The following NELL1 variants were observed in gnomAD, a reference collection of about 807,000 sequenced individuals.
The protein encoded by NELL1 is neural EGFL like 1.
In NELL1, 76 loss-of-function variants were observed where a neutral mutation model predicts 107.4. That is an observed-to-expected ratio of 0.71 (90% confidence interval 0.59 to 0.86). NELL1 has a LOEUF of 0.86. Ranked by LOEUF, NELL1 falls within the 40% of genes least tolerant of loss-of-function variation. The pLI is 0.00. For synonymous variants in NELL1, 353 were observed against 341.2 expected, an observed-to-expected ratio of 1.03 and a Z score of -0.38; for missense variants, 1,024 against 1,005.5, an observed-to-expected ratio of 1.02 and a Z score of -0.25.
intron 2 of NELL1, among the ~76,000 whole-genome samples, chr11:20,691,609 C>T (rs1854468466): frequency 6.6e-6 from 1 of 152,004 alleles, no homozygotes; most frequent in Non-Finnish European, 1.5e-5. Context: ...TATATTGAAC[C>T]AGCCTTGCAT....
At chr11:21,466,103 C>A (rs560958950) in intron 15 of NELL1, among the ~76,000 whole-genome samples, 11 of 152,222 alleles carry the variant, frequency 7.2e-5, no homozygotes, top group African/African-American at 2.6e-4. Context: ...TTGCTGAAGG[C>A]CACATAGCTA....
Position 21,538,841 on chromosome 11 carries a change from A to G in NELL1, c.1786+4327A>G, listed in dbSNP as rs146682260. 3.9e-5 allele frequency among the ~76,000 whole-genome samples: 6 copies of G among 152,280 alleles called. No individual in the cohort carries two copies. In the South Asian group the frequency reaches 6.2e-4, roughly 16 times the overall value. ...AAGATTCAGACTCCTCGGAATGTCAATCAGTTTCCACAATATTGCTCCCAC... is the reference window on the plus strand; with the variant it reads ...AAGATTCAGACTCCTCGGAATGTCAGTCAGTTTCCACAATATTGCTCCCAC... On this transcript the variant is annotated intron_variant, in intron 16 of 19. Coordinates refer to ENST00000357134, the MANE Select transcript of NELL1 (RefSeq NM_006157.5).
intron 16 of NELL1, among the ~76,000 whole-genome samples, chr11:21,555,134 A>C (rs1856675820): frequency 6.6e-6 from 1 of 151,866 alleles, no homozygotes; most frequent in South Asian, 2.1e-4. Context: ...CATAGAGTAG[A>C]TGTTAATGGC....
chr11:20,971,997 G>A (rs1851510742), intron 12 of NELL1, among the ~76,000 whole-genome samples: 1 of 151,320 alleles, frequency 6.6e-6, no homozygotes, highest in Admixed American at 6.6e-5. Context: ...AGCACAGGGA[G>A]GGGAACAACA....
At chr11:20,898,259 T>C (rs1316381888) in intron 5 of NELL1, among the ~76,000 whole-genome samples, 2 of 152,180 alleles carry the variant, frequency 1.3e-5, no homozygotes, top group African/African-American at 4.8e-5. Flanking sequence ...GATGAGTTCA[T>C]GTCCTTTGTA....
Position 21,394,743 on chromosome 11 carries a change from G to A in NELL1, c.1645+23795G>A, listed in dbSNP as rs114905339. 4.2e-3 allele frequency among the ~76,000 whole-genome samples: 629 copies of A among 151,550 alleles called. 4 individuals are homozygous for A. The highest frequency in any genetic ancestry group is 0.013 in the African/African-American group (553 of 41,452). On this transcript the variant is annotated intron_variant, in intron 15 of 19. Coordinates refer to ENST00000357134, the MANE Select transcript of NELL1 (RefSeq NM_006157.5). ...TCAGTCTCTACTAGTGTCACTAAGGGTAGAATCCTGAGTCATCATGTTTTA... is the reference window on the plus strand; with the variant it reads ...TCAGTCTCTACTAGTGTCACTAAGGATAGAATCCTGAGTCATCATGTTTTA...
chr11:21,378,483 C>T (rs907853968), intron 15 of NELL1, among the ~76,000 whole-genome samples: 9 of 151,924 alleles, frequency 5.9e-5, no homozygotes, highest in African/African-American at 2.2e-4. Flanking sequence ...CACCTTCTTA[C>T]AGTCTTAGGA....
intron 11 of NELL1, among the ~76,000 whole-genome samples, chr11:20,958,579 T>C (rs539255516): frequency 5.3e-5 from 8 of 152,318 alleles, no homozygotes; most frequent in South Asian, 2.1e-4. Flanking sequence ...AATGTTGAGA[T>C]AAAATAACCG....
chr11:21,052,878 T>C (rs1358990228), intron 12 of NELL1, among the ~76,000 whole-genome samples: 2 of 151,938 alleles, frequency 1.3e-5, no homozygotes, highest in Non-Finnish European at 2.9e-5. Flanking sequence ...AGATAAAAGA[T>C]GAAGTTGGAA....
intron 13 of NELL1, among the ~76,000 whole-genome samples, chr11:21,127,639 GA>G (rs895974197): frequency 1.3e-5 from 2 of 151,994 alleles, no homozygotes; most frequent in African/African-American, 4.8e-5. Context: ...GGAAGAGGAG[GA>G]GGGGGAGGAC....
intron 11 of NELL1, among the ~76,000 whole-genome samples, chr11:20,949,692 A>T (rs982639319): frequency 6.6e-6 from 1 of 152,220 alleles, no homozygotes; most frequent in African/African-American, 2.4e-5. Flanking sequence ...GAATGTGTCC[A>T]TTACCAATGA....
chr11:20,960,623 A>T (rs1272707265), intron 12 of NELL1, 63 bp downstream of exon 12: 2 of 1,583,598 alleles, frequency 1.3e-6, no homozygotes, highest in African/African-American at 2.7e-5. Flanking sequence ...TGCCTGGTAG[A>T]TGTGGTTAAA....
rs150922899 is a variant in NELL1, at chr11:20,928,041, A to G, written c.895-336A>G. ...GCCATTGTTTGTCTAGGAAAATACA[A>G]AACAGATTGTTAGAGCCTCAGAAAT... On this transcript the variant is annotated intron_variant, in intron 8 of 19. Coordinates refer to ENST00000357134, the MANE Select transcript of NELL1 (RefSeq NM_006157.5). Among the ~76,000 whole-genome samples the G allele has an allele frequency of 8.5e-4, 129 of 152,354 alleles. No homozygotes were observed. The East Asian group carries it at 9.7e-3, about 11-fold the overall frequency.
At chr11:21,233,654 G>A in intron 14 of NELL1, among the ~76,000 whole-genome samples, 1 of 152,198 alleles carries the variant, frequency 6.6e-6, no homozygotes, top group East Asian at 1.9e-4. Context: ...TGGACAAAAT[G>A]CTTGCAAACA....
At chr11:21,497,375 A>C (rs998692161) in intron 15 of NELL1, among the ~76,000 whole-genome samples, 1 of 152,168 alleles carries the variant, frequency 6.6e-6, no homozygotes, top group African/African-American at 2.4e-5. Flanking sequence ...TCCTCTGGTC[A>C]TATCCCAGTT....
chr11:21,209,373 C>G (rs1228033523), intron 13 of NELL1, among the ~76,000 whole-genome samples: 2 of 149,034 alleles, frequency 1.3e-5, no homozygotes, highest in African/African-American at 4.9e-5. Flanking sequence ...CTTCTTACCC[C>G]CATATTACTA....
chr11:21,353,737 G>A (rs1850868020), intron 14 of NELL1, among the ~76,000 whole-genome samples: 1 of 152,258 alleles, frequency 6.6e-6, no homozygotes, highest in African/African-American at 2.4e-5. Context: ...GAATTCTACA[G>A]CAAGCAGAGC....
At chr11:21,070,322 A>C (rs1853980531) in intron 12 of NELL1, among the ~76,000 whole-genome samples, 1 of 152,188 alleles carries the variant, frequency 6.6e-6, no homozygotes, top group Admixed American at 6.5e-5. Flanking sequence ...GCCCTTATAA[A>C]GAAATGAAGG....
At chr11:20,748,024 A>G (rs1460277742) in intron 2 of NELL1, among the ~76,000 whole-genome samples, 1 of 152,184 alleles carries the variant, frequency 6.6e-6, no homozygotes, top group Non-Finnish European at 1.5e-5. Flanking sequence ...TACCCTTGCC[A>G]TAGCTAAAGA....
Sources: allele counts gnomAD v4.1 joint callset (sites outside exome capture counted in the v4.1 genomes callset), GRCh38; gene constraint gnomAD v4.1.1; transcripts MANE v1.5; gene names NCBI Gene and HGNC (gene_info 2026-07-23, HGNC 2026-07-21).